ALCAM: variants seen among roughly 807,000 people sequenced by gnomAD.
ALCAM encodes activated leukocyte cell adhesion molecule.
Under a neutral mutation model 70.9 loss-of-function variants are expected in ALCAM, and 30 were observed. The ratio of observed to expected loss-of-function variants is 0.42; its 90% CI spans 0.32 to 0.57. The LOEUF (loss-of-function observed/expected upper bound fraction) is 0.57, where lower values mean the gene tolerates loss of function less well. Ranked by LOEUF, ALCAM falls within the 20% of genes least tolerant of loss-of-function variation. The pLI is 0.11. For synonymous variants in ALCAM, 249 were observed against 242.5 expected, an observed-to-expected ratio of 1.03 and a Z score of -0.25; for missense variants, 591 against 695.1, an observed-to-expected ratio of 0.85 and a Z score of 1.68.
chr3:105,446,049 A>G (rs1423423518), intron 1 of ALCAM, among the ~76,000 whole-genome samples: 1 of 152,212 alleles, frequency 6.6e-6, no homozygotes, highest in Non-Finnish European at 1.5e-5. Context: ...TAGAACTTAC[A>G]GAATGGGAGA....
chr3:105,559,241 G>A (rs1195735584), intron 14 of ALCAM, among the ~76,000 whole-genome samples: 14 of 145,024 alleles, frequency 9.7e-5, no homozygotes, highest in African/African-American at 2.0e-4. Context: ...ACATGTGTAC[G>A]TATAACATAT....
intron 1 of ALCAM, among the ~76,000 whole-genome samples, chr3:105,402,600 G>A (rs777205176): frequency 2.6e-5 from 4 of 152,096 alleles, no homozygotes; most frequent in South Asian, 4.1e-4. Flanking sequence ...GCGGGGTGTG[G>A]CCCGTGACTG....
intron 1 of ALCAM, among the ~76,000 whole-genome samples, chr3:105,432,772 A>G (rs886395075): frequency 1.3e-5 from 2 of 152,166 alleles, no homozygotes; most frequent in Non-Finnish European, 2.9e-5. Flanking sequence ...TTTCTTTTGC[A>G]TAATAGAATG....
intron 1 of ALCAM, among the ~76,000 whole-genome samples, chr3:105,448,560 C>T (rs1937349736): frequency 6.6e-6 from 1 of 152,152 alleles, no homozygotes; most frequent in African/African-American, 2.4e-5. Flanking sequence ...ACATCTGTGG[C>T]AGTAGAAGTA....
chr3:105,386,630 C>G, intron 1 of ALCAM, among the ~76,000 whole-genome samples: 1 of 151,044 alleles, frequency 6.6e-6, no homozygotes, highest in East Asian at 2.0e-4. Flanking sequence ...TCCTGACAGT[C>G]TAGACTTGGG....
At chr3:105,432,754 C>G (rs780997198) in intron 1 of ALCAM, among the ~76,000 whole-genome samples, 19 of 152,090 alleles carry the variant, frequency 1.2e-4, no homozygotes, top group Non-Finnish European at 1.8e-4. Context: ...GTACTCCACT[C>G]CAATAGTTTT....
intron 1 of ALCAM, among the ~76,000 whole-genome samples, chr3:105,465,932 T>G (rs1369043655): frequency 6.6e-6 from 1 of 151,390 alleles, no homozygotes. Flanking sequence ...AGACAGTTGT[T>G]GCCCTAGAAG....
chr3:105,415,402 T>C (rs1251992247), intron 1 of ALCAM, among the ~76,000 whole-genome samples: 1 of 152,108 alleles, frequency 6.6e-6, no homozygotes, highest in Non-Finnish European at 1.5e-5. Context: ...AAGTAGAAGA[T>C]AAGCTGAGAT....
intron 1 of ALCAM, among the ~76,000 whole-genome samples, chr3:105,509,486 A>C (rs1026776171): frequency 2.6e-5 from 4 of 151,670 alleles, no homozygotes; most frequent in Admixed American, 2.0e-4. Flanking sequence ...CTTTTCATAT[A>C]TCTATTGGCT....
At chr3:105,400,405 T>A (rs759916046) in intron 1 of ALCAM, among the ~76,000 whole-genome samples, 9 of 152,164 alleles carry the variant, frequency 5.9e-5, no homozygotes, top group Non-Finnish European at 1.0e-4. Flanking sequence ...GTATGAAATA[T>A]TGTAAAAGAA....
chr3:105,389,167 C>CATATG (rs1935733264), intron 1 of ALCAM, among the ~76,000 whole-genome samples: 2 of 151,412 alleles, frequency 1.3e-5, no homozygotes, highest in Non-Finnish European at 3.0e-5. Flanking sequence ...ACAAATATGA[C>CATATG]ACATTCAAAC....
rs571075245 is a variant in ALCAM, at chr3:105,403,908, G to A, written c.73+36427G>A. On this transcript the variant is annotated intron_variant, in intron 1 of 15. Coordinates refer to ENST00000306107, the MANE Select transcript of ALCAM (RefSeq NM_001627.4). ...AAATAAAAAACAATCACAACTTCTA[G>A]AAATCAAGGACACACTTAGAGAAAT... Among the ~76,000 whole-genome samples, 8 of 151,370 alleles carry A rather than the reference G, an allele frequency of 5.3e-5. No homozygotes were observed. The South Asian group carries it at 1.5e-3, about 28-fold the overall frequency.
chr3:105,474,864 A>G (rs539329003), intron 1 of ALCAM, among the ~76,000 whole-genome samples: 16 of 151,904 alleles, frequency 1.1e-4, no homozygotes, highest in African/African-American at 3.9e-4. Flanking sequence ...CACATATAAA[A>G]TGCTTTACTG....
intron 1 of ALCAM, among the ~76,000 whole-genome samples, chr3:105,489,314 C>G (rs1423135032): frequency 6.6e-6 from 1 of 152,108 alleles, no homozygotes; most frequent in East Asian, 1.9e-4. Flanking sequence ...AATTTTATAT[C>G]AATAAGTACC....
intron 2 of ALCAM, among the ~76,000 whole-genome samples, chr3:105,523,609 T>A (rs1394054816): frequency 2.6e-5 from 4 of 152,254 alleles, no homozygotes; most frequent in Admixed American, 2.0e-4. Flanking sequence ...GTCTCAGTGC[T>A]CTTGGCATAA....
rs939545560 is a variant in ALCAM at position 105,569,539 on chromosome 3, A to T, written c.1665-2313A>T. Among the ~76,000 whole-genome samples, 6 of 150,898 alleles carry T rather than the reference A, an allele frequency of 4.0e-5. No individual in the cohort carries two copies. The South Asian group carries it at 6.2e-4, about 16-fold the overall frequency. On this transcript the variant is annotated intron_variant, in intron 14 of 15. Coordinates refer to ENST00000306107, the MANE Select transcript of ALCAM (RefSeq NM_001627.4). ...TGTAGTATTTTGTCAACTTGCTTAT[A>T]AAAAAAAGCAGCTGGGTATGTATGG...
chr3:105,381,236 A>G (rs1935511045), intron 1 of ALCAM, among the ~76,000 whole-genome samples: 1 of 151,922 alleles, frequency 6.6e-6, no homozygotes, highest in South Asian at 2.1e-4. Flanking sequence ...AATCTCAGTT[A>G]ATCTTTCCCA....
chr3:105,416,507 C>G (rs563301615), intron 1 of ALCAM, among the ~76,000 whole-genome samples: 2 of 152,026 alleles, frequency 1.3e-5, no homozygotes, highest in East Asian at 3.9e-4. Flanking sequence ...ATACTTAGCT[C>G]AGTTTATGGA....
chr3:105,483,788 A>T (rs1938343991), intron 1 of ALCAM, among the ~76,000 whole-genome samples: 1 of 152,182 alleles, frequency 6.6e-6, no homozygotes. Flanking sequence ...TATAGAACAC[A>T]TGTAAACAGA....
Sources: gnomAD v4.1 joint callset for allele counts (sites outside exome capture counted in the v4.1 genomes callset) on GRCh38, gnomAD v4.1.1 for gene constraint, MANE v1.5 for transcripts, NCBI Gene and HGNC (gene_info 2026-07-23, HGNC 2026-07-21) for gene names.